Variants in GK5 observed in about 807,000 individuals in gnomAD.
GK5 encodes ATP:glycerol 3-phosphotransferase 5.
A neutral mutation model predicts 77.3 loss-of-function variants in GK5; 39 were observed. The observed-to-expected ratio is 0.50, with a 90% confidence interval of 0.39 to 0.66. The LOEUF (loss-of-function observed/expected upper bound fraction) is 0.66. GK5 is among the 30% of genes least tolerant of loss of function. The pLI is 0.00. For missense variants in GK5, 487 were observed against 633.8 expected (o/e 0.77, Z 2.49); for synonymous variants, 211 against 208.0 (o/e 1.01, Z -0.13).
At chr3:142,187,639 T>C (rs1281001549) in intron 6 of GK5, 65 bp downstream of exon 6, 3 of 1,229,188 alleles carry the variant, frequency 2.4e-6, no homozygotes, top group Middle Eastern at 1.9e-4. Flanking sequence ...CTACTTTTTT[T>C]AGGCAAATCA....
At chr3:142,183,177 A>T (rs1167906327) in intron 9 of GK5, 128 bp from the exon 10 acceptor site, 5 of 358,822 alleles carry the variant, frequency 1.4e-5, no homozygotes, top group Admixed American at 5.2e-5. Context: ...CCTTAAAATT[A>T]AAAAAAAAAA....
At chr3:142,178,783 G>C (rs868007846) in intron 11 of GK5, among the ~76,000 whole-genome samples, 1 of 152,164 alleles carries the variant, frequency 6.6e-6, no homozygotes, top group Non-Finnish European at 1.5e-5. Flanking sequence ...TTAACACAAA[G>C]GAATGGAATG....
rs1039015957 is a variant in GK5, at chr3:142,209,110, C to T, written c.318-4322G>A. 1.3e-5 allele frequency among the ~76,000 whole-genome samples: 2 copies of T among 151,740 alleles called. 1 individual carries two copies. Among genetic ancestry groups the T allele is most frequent in the South Asian group, 4.2e-4 (2 of 4,790 alleles). ...CTTGCAGTGAGCCGAGATAGCACCA[C>T]TGCACTCCAGCCTGGGCAAAAGAGT... On this transcript the variant is annotated intron_variant, in intron 3 of 15. Coordinates refer to ENST00000392993, the MANE Select transcript of GK5 (RefSeq NM_001039547.3).
rs1399191009 is a variant in GK5, at chr3:142,159,849, C to CTTTTTTTTTTTTTTTT, written c.*5772_*5773insAAAAAAAAAAAAAAAA. The CTTTTTTTTTTTTTTTT allele has an allele frequency of 5.7e-5, 6 of 104,772 alleles. No homozygotes were observed. The highest frequency in any genetic ancestry group is 1.6e-4 in the African/African-American group (4 of 24,558). The allele number at this position is 104,772 out of a possible 1,614,324, so 6.5% of individuals were successfully genotyped here. On this transcript the variant is annotated 3_prime_UTR_variant, in exon 16 of 16. Coordinates refer to ENST00000392993, the MANE Select transcript of GK5 (RefSeq NM_001039547.3). Reference sequence around the variant, plus strand: ...GGGCTTTCTCTCTCTCTCTCTCTCTCTCTCTTTTTTTTTTTTGAGACAGAG... The same window carrying CTTTTTTTTTTTTTTTT: ...GGGCTTTCTCTCTCTCTCTCTCTCTCTTTTTTTTTTTTTTTTTCTCTTTTTTTTTTTTGAGACAGAG...
intron 13 of GK5, among the ~76,000 whole-genome samples, chr3:142,172,086 C>A (rs2063546757): frequency 6.6e-6 from 1 of 151,968 alleles, no homozygotes; most frequent in South Asian, 2.1e-4. Flanking sequence ...TTGAATCTTG[C>A]ATGCTTAAGA....
intron 1 of GK5, among the ~76,000 whole-genome samples, chr3:142,224,125 C>G (rs1212965792): frequency 6.6e-6 from 1 of 152,158 alleles, no homozygotes; most frequent in Non-Finnish European, 1.5e-5. Flanking sequence ...CCATAACAGG[C>G]TGGCTGCAGT....
chr3:142,166,090 A>C (rs574535624), intron 15 of GK5, among the ~76,000 whole-genome samples: 9 of 152,316 alleles, frequency 5.9e-5, no homozygotes, highest in African/African-American at 2.2e-4. Flanking sequence ...AGTGAAAAAC[A>C]GTATATTTTC....
intron 11 of GK5, 47 bp downstream of exon 11, chr3:142,181,414 G>C: frequency 4.4e-6 from 5 of 1,128,050 alleles, no homozygotes; most frequent in Non-Finnish European, 6.5e-6. Flanking sequence ...TGGCATTCTT[G>C]AATTCTTTAG....
intron 4 of GK5, among the ~76,000 whole-genome samples, chr3:142,202,613 T>A (rs925877187): frequency 6.6e-6 from 1 of 152,216 alleles, no homozygotes; most frequent in Non-Finnish European, 1.5e-5. Flanking sequence ...TAGACAAAAG[T>A]GCTTTAAATG....
chr3:142,185,673 G>A, intron 9 of GK5: 1 of 1,308,346 alleles, frequency 7.6e-7, no homozygotes, highest in Non-Finnish European at 9.8e-7. Context: ...TAAGTTTTCT[G>A]ATAAACAATA....
chr3:142,170,942 G>A (rs1361281672), intron 14 of GK5, among the ~76,000 whole-genome samples: 1 of 151,982 alleles, frequency 6.6e-6, no homozygotes, highest in East Asian at 1.9e-4. Flanking sequence ...CAAGAATTTT[G>A]TTGTAGCTGG....
chr3:142,163,181 A>G lies in GK5; in HGVS notation c.*2441T>C, dbSNP rs555288144. On this transcript the variant is annotated 3_prime_UTR_variant, in exon 16 of 16. Coordinates refer to ENST00000392993, the MANE Select transcript of GK5 (RefSeq NM_001039547.3). ...ATAAAATATTAGTTTTTAGATTCAC[A>G]GAAGAAAAAAATAGCCACTGACACT... is the stretch of plus-strand genomic sequence containing the variant. 4 of 152,274 alleles carry G rather than the reference A, an allele frequency of 2.6e-5. No homozygotes were observed. In the South Asian group the frequency reaches 8.3e-4, roughly 32 times the overall value. 9.4% of individuals were successfully genotyped at this position (152,274 alleles called of 1,614,324 possible).
At chr3:142,221,041 C>A (rs1039126487) in intron 1 of GK5, among the ~76,000 whole-genome samples, 2 of 151,586 alleles carry the variant, frequency 1.3e-5, no homozygotes, top group Non-Finnish European at 2.9e-5. Flanking sequence ...GGCATGGTAC[C>A]AAAAAAATGC....
At chr3:142,216,280 G>A (rs538744359) in intron 1 of GK5, among the ~76,000 whole-genome samples, 3 of 152,246 alleles carry the variant, frequency 2.0e-5, no homozygotes, top group South Asian at 4.2e-4. Flanking sequence ...GGAAGTGCCA[G>A]GATAAGCTCT....
intron 9 of GK5, among the ~76,000 whole-genome samples, chr3:142,183,788 G>A (rs1198451100): frequency 1.3e-5 from 2 of 150,930 alleles, no homozygotes; most frequent in Admixed American, 1.3e-4. Flanking sequence ...TTGTAGAGAT[G>A]GGGTTTCACT....
At position 142,159,853 on chromosome 3, in the gene GK5, C is replaced by CTCTCTCTTTTT. The variant is rs1553825247; in HGVS notation, c.*5768_*5769insAAAAAGAGAGA. On this transcript the variant is annotated 3_prime_UTR_variant, in exon 16 of 16. Transcript: ENST00000392993. Reference sequence around the variant, plus strand: ...TTTCTCTCTCTCTCTCTCTCTCTCTCTTTTTTTTTTTTGAGACAGAGTCTC... The same window carrying CTCTCTCTTTTT: ...TTTCTCTCTCTCTCTCTCTCTCTCTCTCTCTCTTTTTTTTTTTTTTTTTGAGACAGAGTCTC... 2 of 106,120 alleles carry CTCTCTCTTTTT rather than the reference C, an allele frequency of 1.9e-5. No individual in the cohort carries two copies. The highest frequency in any genetic ancestry group is 3.8e-5 in the Non-Finnish European group (2 of 53,068). The allele number at this position is 106,120 out of a possible 1,614,324, so 6.6% of individuals were successfully genotyped here. A position where few individuals can be genotyped will look rare whatever the true frequency, so the allele number is the denominator to read the frequency against.
At position 142,177,084 on chromosome 3, in the gene GK5, C is replaced by T. The variant is rs530910945; in HGVS notation, c.1143+398G>A. Among the ~76,000 whole-genome samples the T allele has an allele frequency of 3.3e-5, 5 of 152,298 alleles. No homozygotes were observed. The South Asian group carries it at 1.0e-3, about 32-fold the overall frequency. ...TACCTTGACATTATTTATCTTAATTCTCAATGGCTTATTTCCTCTAAGTAA... is the reference window on the plus strand; with the variant it reads ...TACCTTGACATTATTTATCTTAATTTTCAATGGCTTATTTCCTCTAAGTAA... On this transcript the variant is annotated intron_variant, in intron 12 of 15. Transcript: ENST00000392993.
At chr3:142,185,521 G>A in intron 9 of GK5, 1 of 995,182 alleles carries the variant, frequency 1.0e-6, no homozygotes, top group Non-Finnish European at 1.2e-6. Context: ...AACTTTCTCT[G>A]CTAGTTTAAG....
intron 9 of GK5, chr3:142,185,141 A>C: frequency 5.1e-6 from 5 of 984,414 alleles, no homozygotes; most frequent in Non-Finnish European, 6.0e-6. Flanking sequence ...GGCTTGGCAC[A>C]GTGACTCATG....
Sources: allele counts gnomAD v4.1 joint callset (sites outside exome capture counted in the v4.1 genomes callset), GRCh38; gene constraint gnomAD v4.1.1; transcripts MANE v1.5; gene names NCBI Gene and HGNC (gene_info 2026-07-23, HGNC 2026-07-21).